The following AGBL4 variants were observed in gnomAD, a reference collection of about 807,000 sequenced individuals.
AGBL4 encodes the protein AGBL carboxypeptidase 4, also known as cytosolic carboxypeptidase 6.
Under a neutral mutation model 66.4 loss-of-function variants are expected in AGBL4, and 58 were observed. That is an observed-to-expected ratio of 0.87 (90% CI 0.71 to 1.09). The LOEUF is 1.09. AGBL4 is among the 50% of genes least tolerant of loss of function. The probability of loss-of-function intolerance (pLI) is 0.00; values close to 1 mark genes in which losing one functional copy is unlikely to be tolerated. For missense variants in AGBL4, 579 were observed against 631.0 expected, an observed-to-expected ratio of 0.92 and a Z score of 0.88; for synonymous variants, 234 against 222.9, an observed-to-expected ratio of 1.05 and a Z score of -0.44.
intron 4 of AGBL4, among the ~76,000 whole-genome samples, chr1:49,085,691 G>C (rs923356213): frequency 2.6e-5 from 4 of 152,044 alleles, no homozygotes; most frequent in African/African-American, 9.7e-5. Flanking sequence ...TCTGGGCTCA[G>C]TGCTGAGGCA....
At chr1:49,425,887 A>T (rs1645646960) in intron 3 of AGBL4, among the ~76,000 whole-genome samples, 1 of 152,210 alleles carries the variant, frequency 6.6e-6, no homozygotes, top group African/African-American at 2.4e-5. Context: ...TTTTTTCACA[A>T]GTGATTGCTC....
At chr1:48,713,105 G>C (rs1488028875) in intron 6 of AGBL4, among the ~76,000 whole-genome samples, 1 of 152,196 alleles carries the variant, frequency 6.6e-6, no homozygotes, top group Non-Finnish European at 1.5e-5. Flanking sequence ...CAAGACTCAT[G>C]GTGAGCAAGA....
At chr1:49,489,564 T>C (rs551460383) in intron 3 of AGBL4, among the ~76,000 whole-genome samples, 10 of 151,932 alleles carry the variant, frequency 6.6e-5, no homozygotes, top group Non-Finnish European at 1.5e-4. Context: ...CCATTTTTAC[T>C]TTGGGTTGTC....
chr1:48,899,091 T>G (rs1369137549), intron 5 of AGBL4, among the ~76,000 whole-genome samples: 2 of 152,204 alleles, frequency 1.3e-5, no homozygotes. Context: ...TCAGCCTCCC[T>G]GCAGGCTGGC....
At chr1:48,610,579 C>T (rs1334617642) in intron 9 of AGBL4, among the ~76,000 whole-genome samples, 7 of 152,104 alleles carry the variant, frequency 4.6e-5, no homozygotes. Flanking sequence ...TGTTAAGGGG[C>T]CACTTTGTCC....
At chr1:49,634,186 A>T (rs910106058) in intron 3 of AGBL4, among the ~76,000 whole-genome samples, 3 of 151,972 alleles carry the variant, frequency 2.0e-5, no homozygotes, top group South Asian at 2.1e-4. Flanking sequence ...TCTACATTAG[A>T]TATTTCTCCT....
chr1:49,713,567 A>C (rs1647838123), intron 2 of AGBL4, among the ~76,000 whole-genome samples: 1 of 152,022 alleles, frequency 6.6e-6, no homozygotes, highest in Non-Finnish European at 1.5e-5. Context: ...AGTAGCTTTT[A>C]TGTATTAAGA....
chr1:48,878,451 T>C (rs1649433920), intron 5 of AGBL4, among the ~76,000 whole-genome samples: 1 of 152,190 alleles, frequency 6.6e-6, no homozygotes, highest in Non-Finnish European at 1.5e-5. Context: ...TTAAATACTT[T>C]GAAATGGGTT....
chr1:49,767,801 A>G (rs1643929559), intron 2 of AGBL4, among the ~76,000 whole-genome samples: 1 of 152,068 alleles, frequency 6.6e-6, no homozygotes. Context: ...AAAGACCCTC[A>G]GATACTATTA....
chr1:49,579,234 A>C (rs1644495768), intron 3 of AGBL4, among the ~76,000 whole-genome samples: 1 of 152,148 alleles, frequency 6.6e-6, no homozygotes, highest in Non-Finnish European at 1.5e-5. Context: ...AATATCAAGA[A>C]TATATATACA....
intron 9 of AGBL4, among the ~76,000 whole-genome samples, chr1:48,594,757 A>G (rs540341503): frequency 2.8e-3 from 425 of 152,194 alleles, no homozygotes; most frequent in African/African-American, 9.7e-3. Flanking sequence ...TGAATTGTGC[A>G]TCTCTTCCCC....
intron 3 of AGBL4, among the ~76,000 whole-genome samples, chr1:49,303,232 C>T (rs1173649742): frequency 6.6e-6 from 1 of 152,086 alleles, no homozygotes; most frequent in Non-Finnish European, 1.5e-5. Flanking sequence ...TGAGGAATCG[C>T]CAAACTGTCT....
At chr1:49,577,182 T>C (rs148638994) in intron 3 of AGBL4, among the ~76,000 whole-genome samples, 147 of 152,292 alleles carry the variant, frequency 9.7e-4, no homozygotes, top group Middle Eastern at 3.4e-3. Flanking sequence ...ATCATGTGAG[T>C]GCTCACCAAC....
At chr1:48,913,066 A>G (rs1321001346) in intron 5 of AGBL4, among the ~76,000 whole-genome samples, 1 of 152,218 alleles carries the variant, frequency 6.6e-6, no homozygotes, top group African/African-American at 2.4e-5. Flanking sequence ...ATGAAGTTTT[A>G]TATCACTACA....
chr1:50,004,539 G>A (rs1660992532), intron 1 of AGBL4, among the ~76,000 whole-genome samples: 1 of 152,148 alleles, frequency 6.6e-6, no homozygotes, highest in South Asian at 2.1e-4. Flanking sequence ...GGAGAAGGAA[G>A]GCTCAAGAGG....
chr1:49,958,530 T>G (rs531292753), intron 1 of AGBL4, among the ~76,000 whole-genome samples: 20 of 152,104 alleles, frequency 1.3e-4, no homozygotes, highest in African/African-American at 4.3e-4. Flanking sequence ...AAGGATAAGT[T>G]CATGTCCTTT....
chr1:48,888,413 C>T (rs1002015542), intron 5 of AGBL4, among the ~76,000 whole-genome samples: 1 of 152,136 alleles, frequency 6.6e-6, no homozygotes, highest in Non-Finnish European at 1.5e-5. Flanking sequence ...CCCCTTTCAC[C>T]CACTTCCTCT....
At chr1:49,717,423 A>G (rs979668717) in intron 2 of AGBL4, among the ~76,000 whole-genome samples, 1 of 152,038 alleles carries the variant, frequency 6.6e-6, no homozygotes, top group African/African-American at 2.4e-5. Context: ...AAAATATTCT[A>G]TATGAGCTGC....
At chr1:49,040,960 T>C (rs1035092658) in intron 5 of AGBL4, among the ~76,000 whole-genome samples, 2 of 152,102 alleles carry the variant, frequency 1.3e-5, no homozygotes, top group African/African-American at 4.8e-5. Context: ...AAAACAATAG[T>C]AAAAATATCT....
Sources: gnomAD v4.1 joint callset for allele counts (sites outside exome capture counted in the v4.1 genomes callset) on GRCh38, gnomAD v4.1.1 for gene constraint, MANE v1.5 for transcripts, NCBI Gene and HGNC (gene_info 2026-07-23, HGNC 2026-07-21) for gene names.